Variants in KDM4A observed in about 807,000 individuals in gnomAD.
The protein encoded by KDM4A is lysine demethylase 4A, also known as lysine-specific demethylase 4A.
A neutral mutation model predicts 127.1 loss-of-function variants in KDM4A; 23 were observed. That is an observed-to-expected ratio of 0.18 (90% CI 0.13 to 0.26). The LOEUF is 0.26. Among genes scored for constraint, KDM4A ranks in the 10% least tolerant of loss-of-function variants. The probability of loss-of-function intolerance (pLI) is 1.00; values close to 1 mark genes in which losing one functional copy is unlikely to be tolerated. For missense variants in KDM4A, 890 were observed against 1,329.1 expected, an observed-to-expected ratio of 0.67 and a Z score of 5.14; for synonymous variants, 443 against 466.5, an observed-to-expected ratio of 0.95 and a Z score of 0.65.
At chr1:43,687,279 C>T (rs1028101746) in intron 12 of KDM4A, among the ~76,000 whole-genome samples, 3 of 152,234 alleles carry the variant, frequency 2.0e-5, no homozygotes, top group African/African-American at 4.8e-5. Context: ...GCGTAGAATA[C>T]TATCTGCACT....
chr1:43,681,862 AAT>A (rs1229295093), intron 11 of KDM4A, among the ~76,000 whole-genome samples: 2 of 152,220 alleles, frequency 1.3e-5, no homozygotes, highest in Non-Finnish European at 2.9e-5. Flanking sequence ...ATTAGTAAGT[AAT>A]ATATAGGTTG....
chr1:43,660,630 T>C (rs916666906), intron 4 of KDM4A, among the ~76,000 whole-genome samples: 5 of 152,166 alleles, frequency 3.3e-5, no homozygotes, highest in African/African-American at 1.2e-4. Flanking sequence ...TTGGATGATG[T>C]GGTGTTCTTT....
chr1:43,690,781 C>G, intron 13 of KDM4A, 64 bp from the exon 14 acceptor site: 1 of 1,424,598 alleles, frequency 7.0e-7, no homozygotes, highest in Non-Finnish European at 9.9e-7. Flanking sequence ...GCTGATAGAG[C>G]AGGTGGAAAG....
At chr1:43,660,643 A>G (rs1234150034) in intron 4 of KDM4A, among the ~76,000 whole-genome samples, 2 of 152,114 alleles carry the variant, frequency 1.3e-5, no homozygotes, top group Non-Finnish European at 2.9e-5. Context: ...TGTTCTTTTC[A>G]AGGGTTGTTA....
Position 43,667,835 on chromosome 1 carries a change from G to GAAAGGTAC in KDM4A, c.983_990dup (p.Leu331GlyfsTer58). The GAAAGGTAC allele has an allele frequency of 6.2e-7, 1 of 1,614,192 alleles. No individual in the cohort carries two copies. Among genetic ancestry groups the GAAAGGTAC allele is most frequent in the Non-Finnish European group, 8.5e-7 (1 of 1,180,036 alleles). On this transcript the variant is annotated frameshift_variant, in exon 9 of 22. Transcript: ENST00000372396. LOFTEE classifies it high-confidence loss of function. ...TGTGTTTGTGAGAAAGTTCCAGCCAGAAAGGTACAAACTTTGGAAAGCTGG... is the reference window on the plus strand; with the variant it reads ...TGTGTTTGTGAGAAAGTTCCAGCCAGAAAGGTACAAAGGTACAAACTTTGGAAAGCTGG...
intron 19 of KDM4A, chr1:43,703,331 A>C: frequency 1.1e-5 from 3 of 281,080 alleles, no homozygotes; most frequent in Non-Finnish European, 1.4e-5. Context: ...AGTTGAGGGA[A>C]TGTAAGAAGG....
At chr1:43,666,603 C>T in intron 7 of KDM4A, 48 bp downstream of exon 7, 1 of 1,473,730 alleles carries the variant, frequency 6.8e-7, no homozygotes, top group Non-Finnish European at 9.5e-7. Flanking sequence ...CCCTTTCTGG[C>T]CTTTGTTTTA....
Position 43,671,778 on chromosome 1 carries a change from G to C in KDM4A, c.1637G>C (p.Ser546Thr). ...CAAACGGGAGTTCTCACTGTGCACA[G>C]TTATGCCAAAGGGGATGGCAGGGTC... ...QGQTGVLTVH[S>T]YAKGDGRVTV... Residue 546 changes from serine (S) to threonine (T), a missense_variant, in exon 11 of 22, where the codon AGT becomes ACT. Ser to Thr is a moderately conservative substitution (Grantham distance 58). Coordinates refer to ENST00000372396, the MANE Select transcript of KDM4A (RefSeq NM_014663.3). The C allele has an allele frequency of 6.2e-7, 1 of 1,613,414 alleles. No homozygotes were observed. Among genetic ancestry groups the C allele is most frequent in the Admixed American group, 1.7e-5 (1 of 59,946 alleles).
chr1:43,673,626 GC>G (rs1384881660), intron 11 of KDM4A, among the ~76,000 whole-genome samples: 1 of 152,106 alleles, frequency 6.6e-6, no homozygotes, highest in East Asian at 1.9e-4. Context: ...CACTGTGGTT[GC>G]AGGCTAATGA....
chr1:43,667,702 C>G, intron 8 of KDM4A, 70 bp from the exon 9 acceptor site: 1 of 1,595,890 alleles, frequency 6.3e-7, no homozygotes, highest in Admixed American at 1.7e-5. Flanking sequence ...GAGGGAGGAG[C>G]TAGGACGTGG....
chr1:43,694,922 T>C lies in KDM4A; in HGVS notation c.2670+28T>C. 1 of 1,568,740 alleles carries C rather than the reference T, an allele frequency of 6.4e-7. No homozygotes were observed. The highest frequency in any genetic ancestry group is 1.1e-5 in the South Asian group (1 of 88,372). The stretch of plus-strand genomic sequence containing the variant: ...GAGAGAGGGTGTCATTCTAGAATCC[T>C]CTTGACAGTTTTCATGGTCATTTTC... On this transcript the variant is annotated intron_variant, in intron 18 of 21. Coordinates refer to ENST00000372396, the MANE Select transcript of KDM4A (RefSeq NM_014663.3). The surrounding 1 kb of genome is among the most constrained non-coding windows in gnomAD (Gnocchi z 5.2).
rs530571048 is a variant in KDM4A at position 43,668,777 on chromosome 1, G to A, written c.1164-323G>A. On this transcript the variant is annotated intron_variant, in intron 9 of 21. Coordinates refer to ENST00000372396, the MANE Select transcript of KDM4A (RefSeq NM_014663.3). Reference sequence around the variant, plus strand: ...GTGCTCTGAGGAGAATTTATCCTGGGCCATATGGGAAAGAAAGGAGGAACC... The same window carrying A: ...GTGCTCTGAGGAGAATTTATCCTGGACCATATGGGAAAGAAAGGAGGAACC... Among the ~76,000 whole-genome samples the A allele has an allele frequency of 5.3e-5, 8 of 152,294 alleles. 1 individual carries two copies. In the South Asian group the frequency reaches 1.7e-3, roughly 32 times the overall value.
chr1:43,653,283 C>T lies in KDM4A; in HGVS notation c.108C>T (p.Ser36=), dbSNP rs778538261. 6 of 1,613,098 alleles carry T rather than the reference C, an allele frequency of 3.7e-6. No individual in the cohort carries two copies. Among genetic ancestry groups the T allele is most frequent in the Non-Finnish European group, 5.1e-6 (6 of 1,179,464 alleles). Residue 36 remains serine, a synonymous_variant, in exon 2 of 22, where the codon TCC becomes TCT. Coordinates refer to ENST00000372396, the MANE Select transcript of KDM4A (RefSeq NM_014663.3). Reference sequence around the variant, plus strand: ...GTAGATACATTGCCTACATTGAATCCCAAGGAGCTCATCGGGCAGGGCTAG... The same window carrying T: ...GTAGATACATTGCCTACATTGAATCTCAAGGAGCTCATCGGGCAGGGCTAG... ...NFSRYIAYIE[S]QGAHRAGLAK... is the part of the protein sequence containing the mutation.
chr1:43,659,683 C>T (rs1419950675), intron 3 of KDM4A, among the ~76,000 whole-genome samples: 3 of 152,266 alleles, frequency 2.0e-5, no homozygotes, highest in Admixed American at 6.5e-5. Flanking sequence ...TATGTGAGTA[C>T]GTATTTTCCT....
intron 1 of KDM4A, among the ~76,000 whole-genome samples, chr1:43,651,832 T>C (rs1557900592): frequency 6.6e-6 from 1 of 152,236 alleles, no homozygotes; most frequent in Non-Finnish European, 1.5e-5. Context: ...AAGTATTTAT[T>C]TTGCTTTCTC....
At chr1:43,697,414 A>C (rs1661266911) in intron 18 of KDM4A, among the ~76,000 whole-genome samples, 1 of 152,244 alleles carries the variant, frequency 6.6e-6, no homozygotes, top group Admixed American at 6.5e-5. Flanking sequence ...TTTGTGCCCT[A>C]GCCCTGAGGG....
chr1:43,693,940 G>C lies in KDM4A; in HGVS notation c.2376-54G>C, dbSNP rs773756889. 6 of 1,476,950 alleles carry C rather than the reference G, an allele frequency of 4.1e-6. No homozygotes were observed. The African/African-American group carries it at 6.9e-5, about 17-fold the overall frequency. 91.5% of individuals were successfully genotyped at this position (1,476,950 alleles called of 1,614,324 possible). A position where few individuals can be genotyped will look rare whatever the true frequency, so the allele number is the denominator to read the frequency against. Reference sequence around the variant, plus strand: ...CGCTGTCAGCAGGCCCAAAAGAGAAGGCCACAGAGCCTTGGGCCCAGAGGT... The same window carrying C: ...CGCTGTCAGCAGGCCCAAAAGAGAACGCCACAGAGCCTTGGGCCCAGAGGT... On this transcript the variant is annotated intron_variant, in intron 16 of 21. Transcript: ENST00000372396. The surrounding 1 kb of genome is among the most constrained non-coding windows in gnomAD (Gnocchi z 4.2).
chr1:43,690,989 G>A lies in KDM4A; in HGVS notation c.2182G>A (p.Glu728Lys), dbSNP rs1557917956. The change falls in exon 14 of 22, where the codon GAG (glutamate) becomes AAG (lysine). Residue 728 changes from glutamate to lysine, a missense_variant. Transcript: ENST00000372396. ...CATCAACCTTTCTACTCCTTATCTT[G>A]AGGAGGATGGCACCAGCATACTCGT... is the stretch of plus-strand genomic sequence containing the variant. ...TDINLSTPYL[E>K]EDGTSILVSC... 2.5e-6 allele frequency: 4 copies of A among 1,614,152 alleles called. No individual in the cohort carries two copies. Among genetic ancestry groups the A allele is most frequent in the African/African-American group, 2.7e-5 (2 of 75,036 alleles).
intron 10 of KDM4A, among the ~76,000 whole-genome samples, chr1:43,670,070 T>C (rs1451754879): frequency 1.3e-5 from 2 of 152,142 alleles, no homozygotes; most frequent in East Asian, 1.9e-4. Flanking sequence ...GCTGGAGAAA[T>C]AGGAGATGAT....
Sources: allele counts gnomAD v4.1 joint callset (sites outside exome capture counted in the v4.1 genomes callset), GRCh38; gene constraint gnomAD v4.1.1; non-coding constraint Gnocchi (gnomAD v3.1); transcripts MANE v1.5; gene names NCBI Gene and HGNC (gene_info 2026-07-23, HGNC 2026-07-21).